Variants in AGBL4 observed in about 807,000 individuals in gnomAD.
AGBL4 encodes cytosolic carboxypeptidase 6.
AGBL4 carries 58 observed loss-of-function variants against 66.4 expected under a neutral mutation model. That is an observed-to-expected ratio of 0.87 (90% CI 0.71 to 1.09). The LOEUF (loss-of-function observed/expected upper bound fraction) is 1.09. Among genes scored for constraint, AGBL4 ranks in the 50% least tolerant of loss-of-function variants. AGBL4 has a pLI of 0.00. For synonymous variants in AGBL4, 234 were observed against 222.9 expected, an observed-to-expected ratio of 1.05 and a Z score of -0.44; for missense variants, 579 against 631.0, an observed-to-expected ratio of 0.92 and a Z score of 0.88.
intron 3 of AGBL4, among the ~76,000 whole-genome samples, chr1:49,567,193 GTC>G (rs1309823959): frequency 6.6e-6 from 1 of 152,196 alleles, no homozygotes; most frequent in Non-Finnish European, 1.5e-5. Context: ...TCCAGGTGCC[GTC>G]TGTCACCCCT....
At chr1:49,113,239 C>T (rs368849731) in intron 4 of AGBL4, among the ~76,000 whole-genome samples, 56 of 151,126 alleles carry the variant, frequency 3.7e-4, no homozygotes, top group African/African-American at 1.3e-3. Flanking sequence ...CATGAGCCAC[C>T]GCACCCGGCC....
chr1:49,436,515 G>C (rs1645907241), intron 3 of AGBL4, among the ~76,000 whole-genome samples: 1 of 151,920 alleles, frequency 6.6e-6, no homozygotes, highest in Non-Finnish European at 1.5e-5. Context: ...AAATAATCAA[G>C]AGAATTTATC....
At chr1:48,769,878 A>G (rs187235090) in intron 6 of AGBL4, among the ~76,000 whole-genome samples, 4 of 152,332 alleles carry the variant, frequency 2.6e-5, no homozygotes, top group Admixed American at 2.6e-4. Flanking sequence ...CACAGTCACA[A>G]TTTTAACCCA....
At chr1:48,849,580 A>C (rs1402738426) in intron 6 of AGBL4, among the ~76,000 whole-genome samples, 1 of 151,678 alleles carries the variant, frequency 6.6e-6, no homozygotes, top group Non-Finnish European at 1.5e-5. Context: ...TCTACTCCTC[A>C]CTCCCACCTT....
chr1:49,999,370 C>A (rs1402032518), intron 1 of AGBL4, among the ~76,000 whole-genome samples: 2 of 151,114 alleles, frequency 1.3e-5, no homozygotes, highest in Non-Finnish European at 2.9e-5. Context: ...TTATACCTAA[C>A]CAAGGAGGTG....
chr1:49,611,374 C>CT (rs35960918), intron 3 of AGBL4, among the ~76,000 whole-genome samples: 47,070 of 117,876 alleles, frequency 0.4, 12,603 homozygotes, highest in Non-Finnish European at 0.57. Flanking sequence ...CAACCATATT[C>CT]TTTTTTTTTT....
intron 4 of AGBL4, among the ~76,000 whole-genome samples, chr1:49,164,308 C>T (rs1233970413): frequency 1.1e-4 from 17 of 151,968 alleles, no homozygotes; most frequent in Admixed American, 1.1e-3. Context: ...AGCTTTGGGG[C>T]ACCACATATT....
intron 3 of AGBL4, among the ~76,000 whole-genome samples, chr1:49,570,092 T>C (rs1405437321): frequency 6.6e-6 from 1 of 151,522 alleles, no homozygotes; most frequent in African/African-American, 2.4e-5. Context: ...CCTTGCATAC[T>C]CACTAGTGGA....
intron 6 of AGBL4, among the ~76,000 whole-genome samples, chr1:48,804,940 C>A (rs1197129596): frequency 6.6e-6 from 1 of 152,132 alleles, no homozygotes; most frequent in African/African-American, 2.4e-5. Flanking sequence ...CTTTGATAGT[C>A]AGAGATTAAC....
intron 11 of AGBL4, chr1:48,584,112 T>C (rs1030042403): frequency 2.0e-5 from 3 of 152,296 alleles, no homozygotes; most frequent in African/African-American, 7.2e-5. Context: ...GTCTTCTCAG[T>C]TCCACATTCT....
chr1:48,572,205 G>C (rs1452049886), intron 11 of AGBL4, among the ~76,000 whole-genome samples: 3 of 152,074 alleles, frequency 2.0e-5, no homozygotes. Context: ...ACTGTAAAAG[G>C]CACTGACACA....
At chr1:48,759,320 C>A in intron 6 of AGBL4, 1 of 1,537,854 alleles carries the variant, frequency 6.5e-7, no homozygotes. Context: ...CAGGCAAGGG[C>A]AGCTGGGATT....
At chr1:48,537,572 C>G (rs1437465960) in intron 12 of AGBL4, among the ~76,000 whole-genome samples, 1 of 152,290 alleles carries the variant, frequency 6.6e-6, no homozygotes, top group African/African-American at 2.4e-5. Flanking sequence ...TGACTCTGAC[C>G]AGCTCCTTCT....
chr1:49,478,898 CAG>C (rs1189185299), intron 3 of AGBL4, among the ~76,000 whole-genome samples: 1 of 151,772 alleles, frequency 6.6e-6, no homozygotes, highest in Non-Finnish European at 1.5e-5. Context: ...TTTGTTTATG[CAG>C]AGTTAAGTTG....
chr1:48,893,185 T>C (rs1041354707), intron 5 of AGBL4, among the ~76,000 whole-genome samples: 1 of 152,136 alleles, frequency 6.6e-6, no homozygotes, highest in Non-Finnish European at 1.5e-5. Flanking sequence ...GTTTGGACCA[T>C]GACAGAGGAG....
intron 8 of AGBL4, among the ~76,000 whole-genome samples, chr1:48,641,048 T>C (rs1052734267): frequency 6.6e-6 from 1 of 152,130 alleles, no homozygotes; most frequent in Non-Finnish European, 1.5e-5. Context: ...AGCAGTGGCA[T>C]TGACAAGCAG....
intron 6 of AGBL4, among the ~76,000 whole-genome samples, chr1:48,859,324 C>A (rs1343969881): frequency 6.6e-6 from 1 of 152,198 alleles, no homozygotes; most frequent in African/African-American, 2.4e-5. Context: ...GGAATCAACA[C>A]CTCCACCCTC....
At chr1:49,874,262 T>G (rs1646914212) in intron 1 of AGBL4, among the ~76,000 whole-genome samples, 1 of 152,168 alleles carries the variant, frequency 6.6e-6, no homozygotes, top group Non-Finnish European at 1.5e-5. Flanking sequence ...CACAGAAATA[T>G]CTTTGCAGTC....
At chr1:49,397,043 C>A (rs1644988940) in intron 3 of AGBL4, among the ~76,000 whole-genome samples, 2 of 152,100 alleles carry the variant, frequency 1.3e-5, no homozygotes, top group Middle Eastern at 3.2e-3. Flanking sequence ...GGAGTTCACA[C>A]TTCTATGAGG....
Sources: gnomAD v4.1 joint callset for allele counts (sites outside exome capture counted in the v4.1 genomes callset) on GRCh38, gnomAD v4.1.1 for gene constraint, MANE v1.5 for transcripts, NCBI Gene and HGNC (gene_info 2026-07-23, HGNC 2026-07-21) for gene names.